The following BTBD10 variants were observed in gnomAD, a reference collection of about 807,000 sequenced individuals.
The protein encoded by BTBD10 is BTB/POZ domain-containing protein 10.
A neutral mutation model predicts 53.2 loss-of-function variants in BTBD10; 21 were observed. The ratio of observed to expected loss-of-function variants is 0.39; its 90% CI spans 0.28 to 0.57. BTBD10 has a LOEUF of 0.57. Ranked by LOEUF, BTBD10 falls within the 20% of genes least tolerant of loss-of-function variation. BTBD10 has a pLI of 0.53. For missense variants in BTBD10, 360 were observed against 594.7 expected (o/e 0.61, Z 4.10); for synonymous variants, 149 against 192.7 (o/e 0.77, Z 1.88).
intron 2 of BTBD10, among the ~76,000 whole-genome samples, chr11:13,438,790 T>C (rs1431841672): frequency 6.6e-6 from 1 of 151,964 alleles, no homozygotes; most frequent in Non-Finnish European, 1.5e-5. Flanking sequence ...ATTTTCACAA[T>C]AAGACAGACA....
chr11:13,420,217 G>A (rs902514058), intron 3 of BTBD10, among the ~76,000 whole-genome samples: 5 of 151,914 alleles, frequency 3.3e-5, no homozygotes, highest in East Asian at 1.9e-4. Flanking sequence ...ATCTCACTAC[G>A]TTAATAAGGG....
At chr11:13,458,033 G>A (rs761773699) in intron 1 of BTBD10, among the ~76,000 whole-genome samples, 14 of 151,294 alleles carry the variant, frequency 9.3e-5, no homozygotes, top group African/African-American at 1.5e-4. Flanking sequence ...TGAGTGTGGC[G>A]GTATGTGCCT....
chr11:13,413,925 ACC>A (rs1950026058), intron 5 of BTBD10, among the ~76,000 whole-genome samples: 1 of 152,224 alleles, frequency 6.6e-6, no homozygotes, highest in Non-Finnish European at 1.5e-5. Flanking sequence ...GCTCCCTGTT[ACC>A]TAATTCATGT....
chr11:13,394,375 C>T (rs2135736415), intron 8 of BTBD10, among the ~76,000 whole-genome samples: 1 of 152,270 alleles, frequency 6.6e-6, no homozygotes, highest in South Asian at 2.1e-4. Flanking sequence ...AGTTCCTTCA[C>T]TCTCTCCTGC....
intron 6 of BTBD10, among the ~76,000 whole-genome samples, chr11:13,406,266 C>T (rs1949824372): frequency 6.6e-6 from 1 of 152,068 alleles, no homozygotes; most frequent in Non-Finnish European, 1.5e-5. Context: ...TAGAATAATG[C>T]AGGCAAAAGA....
intron 4 of BTBD10, among the ~76,000 whole-genome samples, chr11:13,418,690 C>T (rs952020132): frequency 1.3e-5 from 2 of 152,104 alleles, no homozygotes; most frequent in Non-Finnish European, 2.9e-5. Flanking sequence ...CACATACACA[C>T]ATTACATATG....
At chr11:13,401,274 T>C (rs1227322246) in intron 8 of BTBD10, among the ~76,000 whole-genome samples, 1 of 152,100 alleles carries the variant, frequency 6.6e-6, no homozygotes, top group Non-Finnish European at 1.5e-5. Context: ...CCCAATGCTT[T>C]AGAGCACTGC....
chr11:13,400,201 C>G (rs1294527479), intron 8 of BTBD10, among the ~76,000 whole-genome samples: 1 of 152,262 alleles, frequency 6.6e-6, no homozygotes, highest in Non-Finnish European at 1.5e-5. Flanking sequence ...CCACCCAGTT[C>G]GAGCTTCCAG....
At chr11:13,430,489 A>T (rs1591144453) in intron 2 of BTBD10, among the ~76,000 whole-genome samples, 1 of 152,336 alleles carries the variant, frequency 6.6e-6, no homozygotes, top group East Asian at 1.9e-4. Context: ...GAAATTAAAC[A>T]TACTCTAGCC....
intron 1 of BTBD10, among the ~76,000 whole-genome samples, chr11:13,454,567 A>G (rs1950926614): frequency 6.6e-6 from 1 of 152,284 alleles, no homozygotes; most frequent in Non-Finnish European, 1.5e-5. Flanking sequence ...ATAAAATTAA[A>G]GTGGCCAGGT....
chr11:13,414,618 C>T lies in BTBD10; in HGVS notation c.688-968G>A, dbSNP rs543508331. 3.3e-5 allele frequency among the ~76,000 whole-genome samples: 5 copies of T among 151,740 alleles called. No individual in the cohort carries two copies. In the East Asian group the frequency reaches 5.8e-4, roughly 18 times the overall value. On this transcript the variant is annotated intron_variant, in intron 5 of 8. Coordinates refer to ENST00000278174, the MANE Select transcript of BTBD10 (RefSeq NM_032320.7). Reference sequence around the variant, plus strand: ...GCAGTGAGCCGAGATCGCGCCACTGCACTCCAGCCTGGGCGACAGAGCAAG... The same window carrying T: ...GCAGTGAGCCGAGATCGCGCCACTGTACTCCAGCCTGGGCGACAGAGCAAG...
At position 13,419,504 on chromosome 11, in the gene BTBD10, T is replaced by C. The variant is rs1950196766; in HGVS notation, c.540A>G (p.Val180=). 44 of 1,614,084 alleles carry C rather than the reference T, an allele frequency of 2.7e-5. No individual in the cohort carries two copies. Among genetic ancestry groups the C allele is most frequent in the Non-Finnish European group, 3.7e-5 (44 of 1,179,958 alleles). ...TLIVDNTRFV[V]DPSIFTAQPN... is the part of the protein sequence containing the mutation. Reference sequence around the variant, plus strand: ...GCTGTGCAGTAAAAATGGATGGGTCTACAACAAATCTAGTGTTATCCACTA... The same window carrying C: ...GCTGTGCAGTAAAAATGGATGGGTCCACAACAAATCTAGTGTTATCCACTA... The change falls in exon 4 of 9, where the codon GTA becomes GTG. Residue 180 remains valine, a synonymous_variant. Transcript: ENST00000278174.
intron 8 of BTBD10, among the ~76,000 whole-genome samples, chr11:13,396,756 G>T (rs1262258301): frequency 2.0e-5 from 3 of 152,186 alleles, no homozygotes; most frequent in Non-Finnish European, 4.4e-5. Context: ...ATGAAGTGTT[G>T]TTGAATTTTA....
chr11:13,442,729 C>A (rs1950681966), intron 2 of BTBD10, among the ~76,000 whole-genome samples: 1 of 152,108 alleles, frequency 6.6e-6, no homozygotes, highest in South Asian at 2.1e-4. Context: ...TAAACTATTC[C>A]ATAACAGTGC....
chr11:13,425,967 C>T (rs945012347), intron 2 of BTBD10, among the ~76,000 whole-genome samples: 12 of 151,678 alleles, frequency 7.9e-5, no homozygotes, highest in South Asian at 4.2e-4. Flanking sequence ...TTGAAGACAA[C>T]GCAATAGGAA....
chr11:13,445,396 C>T (rs529407660), intron 1 of BTBD10, among the ~76,000 whole-genome samples: 1 of 152,258 alleles, frequency 6.6e-6, no homozygotes, highest in African/African-American at 2.4e-5. Context: ...TCTGCTACCA[C>T]TATGTAACAG....
rs1168071263 is a variant in BTBD10, at chr11:13,403,381, C to G, written c.1007-103G>C. The G allele has an allele frequency of 1.2e-5, 7 of 564,946 alleles. No individual in the cohort carries two copies. The East Asian group carries it at 2.4e-4, about 19-fold the overall frequency. The allele number at this position is 564,946 out of a possible 1,614,324, so 35.0% of individuals were successfully genotyped here. On this transcript the variant is annotated intron_variant, in intron 7 of 8. Coordinates refer to ENST00000278174, the MANE Select transcript of BTBD10 (RefSeq NM_032320.7). ...AAGGGGCCTAACAGTCCTAAAAGCCCAAATAATGGATGCAGTAATGCCAAA... is the reference window on the plus strand; with the variant it reads ...AAGGGGCCTAACAGTCCTAAAAGCCGAAATAATGGATGCAGTAATGCCAAA...
chr11:13,439,912 C>A, intron 2 of BTBD10: 1 of 1,533,632 alleles, frequency 6.5e-7, no homozygotes. Context: ...AAGGTAGACA[C>A]ACAAAAACAA....
At chr11:13,439,915 A>T (rs1475302323) in intron 2 of BTBD10, 1 of 1,534,044 alleles carries the variant, frequency 6.5e-7, no homozygotes, top group East Asian at 2.4e-5. Flanking sequence ...GTAGACACAC[A>T]AAAACAAGAA....
Sources: gnomAD v4.1 joint callset for allele counts (sites outside exome capture counted in the v4.1 genomes callset) on GRCh38, gnomAD v4.1.1 for gene constraint, MANE v1.5 for transcripts, NCBI Gene and HGNC (gene_info 2026-07-23, HGNC 2026-07-21) for gene names.